Variants in NRG3 observed in about 807,000 individuals in gnomAD.
The protein encoded by NRG3 is pro-neuregulin-3, membrane-bound isoform.
Under a neutral mutation model 66.9 loss-of-function variants are expected in NRG3, and 31 were observed. The ratio of observed to expected loss-of-function variants is 0.46; its 90% CI spans 0.35 to 0.63. The LOEUF is 0.63. Ranked by LOEUF, NRG3 falls within the 20% of genes least tolerant of loss-of-function variation. NRG3 has a pLI of 0.00. For synonymous variants in NRG3, 393 were observed against 359.4 expected (o/e 1.09, Z -1.06); for missense variants, 910 against 878.9 (o/e 1.04, Z -0.45).
intron 3 of NRG3, among the ~76,000 whole-genome samples, chr10:82,811,970 T>A (rs969597877): frequency 2.6e-5 from 4 of 152,212 alleles, no homozygotes; most frequent in African/African-American, 9.6e-5. Flanking sequence ...GGCAAGCATG[T>A]TGTCTTCAAG....
intron 2 of NRG3, among the ~76,000 whole-genome samples, chr10:82,680,122 A>G (rs1413765026): frequency 2.0e-5 from 3 of 152,198 alleles, no homozygotes; most frequent in South Asian, 2.1e-4. Flanking sequence ...CTTTACTTAT[A>G]TTAACATCAT....
At chr10:82,541,320 C>G (rs970230629) in intron 2 of NRG3, among the ~76,000 whole-genome samples, 1 of 152,050 alleles carries the variant, frequency 6.6e-6, no homozygotes, top group Non-Finnish European at 1.5e-5. Context: ...TGTAGCAGGA[C>G]GATCCACAGA....
At chr10:82,072,643 A>T (rs1306729745) in intron 1 of NRG3, among the ~76,000 whole-genome samples, 1 of 152,080 alleles carries the variant, frequency 6.6e-6, no homozygotes, top group Non-Finnish European at 1.5e-5. Flanking sequence ...GAAAGTACAT[A>T]CACAAGAATT....
At chr10:82,923,691 A>G (rs1389292368) in intron 4 of NRG3, among the ~76,000 whole-genome samples, 1 of 151,620 alleles carries the variant, frequency 6.6e-6, no homozygotes, top group Non-Finnish European at 1.5e-5. Context: ...GGCAATTAGC[A>G]TTAGGAAAGC....
At chr10:82,378,448 T>G (rs751264648) in intron 2 of NRG3, among the ~76,000 whole-genome samples, 3 of 152,192 alleles carry the variant, frequency 2.0e-5, no homozygotes, top group Non-Finnish European at 4.4e-5. Context: ...AGTTGTAGAT[T>G]TAAGCCTGGA....
Position 81,875,309 on chromosome 10 carries a change from C to CG in NRG3, c.-25dup, listed in dbSNP as rs892311667. 9.2e-6 allele frequency: 9 copies of CG among 983,526 alleles called. No individual in the cohort carries two copies. The highest frequency in any genetic ancestry group is 1.1e-5 in the Non-Finnish European group (9 of 830,106). 60.9% of individuals were successfully genotyped at this position (983,526 alleles called of 1,614,324 possible). On this transcript the variant is annotated 5_prime_UTR_variant, in exon 1 of 9. The change abolishes the stop of an existing upstream ORF in the 5' untranslated region. Transcript: ENST00000372141. This position sits in a 1 kb window ranked among gnomAD's most constrained non-coding sequence, Gnocchi z 5.3. ...GGCCCCATGCCTCTGCCGCGGCCCT[C>CG]GGGGGGGCGAAGGTGAAGACCGGCT...
intron 1 of NRG3, among the ~76,000 whole-genome samples, chr10:82,107,658 G>A (rs1197911969): frequency 6.6e-6 from 1 of 152,190 alleles, no homozygotes; most frequent in Admixed American, 6.5e-5. Flanking sequence ...AAAATAAACT[G>A]TATGATCATT....
intron 2 of NRG3, among the ~76,000 whole-genome samples, chr10:82,373,463 C>T (rs1173168098): frequency 6.6e-6 from 1 of 152,154 alleles, no homozygotes; most frequent in Non-Finnish European, 1.5e-5. Context: ...AGTCCTCTGA[C>T]AGCAGGTGGA....
intron 1 of NRG3, among the ~76,000 whole-genome samples, chr10:82,213,553 A>T (rs1253860972): frequency 6.6e-6 from 1 of 152,144 alleles, no homozygotes; most frequent in Non-Finnish European, 1.5e-5. Flanking sequence ...AAACACTTGT[A>T]CTCTGAAGCA....
At chr10:82,355,825 T>G (rs904873954) in intron 1 of NRG3, among the ~76,000 whole-genome samples, 2 of 152,208 alleles carry the variant, frequency 1.3e-5, no homozygotes, top group Non-Finnish European at 2.9e-5. Context: ...ATAGGTATAT[T>G]CTAAGGTTTC....
intron 2 of NRG3, among the ~76,000 whole-genome samples, chr10:82,363,901 G>A (rs982810340): frequency 4.6e-5 from 7 of 152,006 alleles, no homozygotes; most frequent in Non-Finnish European, 7.4e-5. Flanking sequence ...AATTTTCACA[G>A]TGTTTTGAGG....
At chr10:82,035,258 A>G (rs534606917) in intron 1 of NRG3, among the ~76,000 whole-genome samples, 2 of 152,242 alleles carry the variant, frequency 1.3e-5, no homozygotes, top group East Asian at 3.9e-4. Flanking sequence ...GATGTGTGTC[A>G]ATGCTTGTGG....
intron 1 of NRG3, among the ~76,000 whole-genome samples, chr10:82,133,284 G>T (rs1016836024): frequency 6.6e-6 from 1 of 151,642 alleles, no homozygotes; most frequent in Admixed American, 6.6e-5. Flanking sequence ...TTTAGGTTTG[G>T]GGATATATGT....
intron 1 of NRG3, among the ~76,000 whole-genome samples, chr10:81,933,287 T>C (rs1847564221): frequency 6.6e-6 from 1 of 152,080 alleles, no homozygotes. Flanking sequence ...TCCACGATCT[T>C]ATCTAATTAT....
At chr10:82,559,372 C>A (rs766793225) in intron 2 of NRG3, among the ~76,000 whole-genome samples, 1 of 152,164 alleles carries the variant, frequency 6.6e-6, no homozygotes, top group Non-Finnish European at 1.5e-5. Flanking sequence ...AAGAGAAAGT[C>A]TGAGACTACC....
chr10:82,236,839 C>T (rs1327581177), intron 1 of NRG3, among the ~76,000 whole-genome samples: 3 of 151,514 alleles, frequency 2.0e-5, no homozygotes, highest in Non-Finnish European at 4.4e-5. Flanking sequence ...CCTCAGCCTC[C>T]TGAGTAGCTG....
intron 1 of NRG3, among the ~76,000 whole-genome samples, chr10:81,900,756 G>A (rs1454094732): frequency 6.6e-6 from 1 of 152,198 alleles, no homozygotes; most frequent in Non-Finnish European, 1.5e-5. Flanking sequence ...AGGTTTCTTA[G>A]ATAATTGGAG....
intron 1 of NRG3, among the ~76,000 whole-genome samples, chr10:82,132,793 C>A (rs1372887318): frequency 6.6e-6 from 1 of 151,210 alleles, no homozygotes; most frequent in African/African-American, 2.4e-5. Context: ...CTTCATGTTT[C>A]AATCTTGGTA....
intron 1 of NRG3, among the ~76,000 whole-genome samples, chr10:82,053,137 T>A (rs1325763515): frequency 6.6e-6 from 1 of 152,204 alleles, no homozygotes; most frequent in Non-Finnish European, 1.5e-5. Context: ...TTGATTATTT[T>A]TTTTTTTAAC....
Sources: gnomAD v4.1 joint callset for allele counts (sites outside exome capture counted in the v4.1 genomes callset) on GRCh38, gnomAD v4.1.1 for gene constraint, Gnocchi (gnomAD v3.1) non-coding constraint, MANE v1.5 for transcripts, NCBI Gene and HGNC (gene_info 2026-07-23, HGNC 2026-07-21) for gene names.